PCDHA12: variants seen among roughly 807,000 people sequenced by gnomAD.
The protein encoded by PCDHA12 is protocadherin alpha 12, also known as protocadherin alpha-12.
Under a neutral mutation model 60.0 loss-of-function variants are expected in PCDHA12, and 44 were observed. That is an observed-to-expected ratio of 0.73 (90% CI 0.58 to 0.94). The LOEUF (loss-of-function observed/expected upper bound fraction) is 0.94. Among genes scored for constraint, PCDHA12 ranks in the 40% least tolerant of loss-of-function variants. PCDHA12 has a pLI of 0.00. For missense variants in PCDHA12, 1,276 were observed against 1,239.7 expected (o/e 1.03, Z -0.44); for synonymous variants, 569 against 553.0 (o/e 1.03, Z -0.40).
At chr5:140,927,395 A>G (rs782188555) in intron 1 of PCDHA12, 3 of 1,614,194 alleles carry the variant, frequency 1.9e-6, no homozygotes, top group South Asian at 2.2e-5. Context: ...CCCAGTCAGC[A>G]CTTTCGCCTG....
intron 1 of PCDHA12, among the ~76,000 whole-genome samples, chr5:140,942,138 T>C (rs1269073266): frequency 1.3e-5 from 2 of 152,240 alleles, no homozygotes; most frequent in African/African-American, 4.8e-5. Flanking sequence ...TTTGTGGCTT[T>C]ACTTGACATA....
chr5:140,903,958 T>G (rs960235173), intron 1 of PCDHA12, among the ~76,000 whole-genome samples: 1 of 152,236 alleles, frequency 6.6e-6, no homozygotes, highest in Non-Finnish European at 1.5e-5. Context: ...GAAAATTATT[T>G]GTTGATTTTT....
rs2098417418 is a variant in PCDHA12, at chr5:141,010,475, T to A, written c.*538T>A. On this transcript the variant is annotated 3_prime_UTR_variant, in exon 4 of 4. Coordinates refer to ENST00000398631, the MANE Select transcript of PCDHA12 (RefSeq NM_018903.4). ...GGAAGTTATCAGTATGGAGGGGAAG[T>A]GTAAACTTAAAGGGACCAGACTTTC... 16 of 757,310 alleles carry A rather than the reference T, an allele frequency of 2.1e-5. No homozygotes were observed. The highest frequency in any genetic ancestry group is 3.0e-5 in the Non-Finnish European group (15 of 502,774). 46.9% of individuals were successfully genotyped at this position (757,310 alleles called of 1,614,324 possible). A position where few individuals can be genotyped will look rare whatever the true frequency, so the allele number is the denominator to read the frequency against.
chr5:140,883,679 G>T (rs781987468), intron 1 of PCDHA12: 1 of 1,613,678 alleles, frequency 6.2e-7, no homozygotes, highest in Non-Finnish European at 8.5e-7. Flanking sequence ...CAATCCGCCG[G>T]GCTGCCACAT....
chr5:140,883,445 G>A, intron 1 of PCDHA12: 1 of 1,614,164 alleles, frequency 6.2e-7, no homozygotes, highest in South Asian at 1.1e-5. Flanking sequence ...GACGCCGCAT[G>A]TCCCCTTCAA....
At chr5:140,882,188 A>G (rs1446435577) in intron 1 of PCDHA12, 6 of 1,519,650 alleles carry the variant, frequency 3.9e-6, no homozygotes, top group African/African-American at 1.4e-5. Context: ...CTAGGAAGCC[A>G]TAAAAATTGG....
chr5:140,972,660 A>AT (rs11350929), intron 1 of PCDHA12, among the ~76,000 whole-genome samples: 2,691 of 117,234 alleles, frequency 0.023, 50 homozygotes, highest in South Asian at 0.067. Context: ...AAGAAACCAA[A>AT]TTTTTTTTTT....
At chr5:140,925,932 A>G (rs1202634955) in intron 1 of PCDHA12, among the ~76,000 whole-genome samples, 1 of 150,196 alleles carries the variant, frequency 6.7e-6, no homozygotes, top group African/African-American at 2.5e-5. Flanking sequence ...TCCCAAGTAG[A>G]GCCTCTTGGA....
chr5:140,899,833 G>T (rs2067579431), intron 1 of PCDHA12, among the ~76,000 whole-genome samples: 1 of 152,094 alleles, frequency 6.6e-6, no homozygotes, highest in African/African-American at 2.4e-5. Flanking sequence ...TTTTGAGACA[G>T]GTCTTGCTGT....
chr5:140,963,861 G>A (rs2095794580), intron 1 of PCDHA12, among the ~76,000 whole-genome samples: 1 of 152,172 alleles, frequency 6.6e-6, no homozygotes, highest in Admixed American at 6.5e-5. Flanking sequence ...ATAACCGTAT[G>A]AGTTTTGCTT....
At chr5:140,918,853 C>T (rs1348069562) in intron 1 of PCDHA12, among the ~76,000 whole-genome samples, 4 of 152,134 alleles carry the variant, frequency 2.6e-5, no homozygotes, top group Non-Finnish European at 5.9e-5. Context: ...CTGCTGGTGC[C>T]TGAATCATGA....
Position 140,914,027 on chromosome 5 carries a change from T to G in PCDHA12, c.2367+36188T>G, listed in dbSNP as rs188298966. Among the ~76,000 whole-genome samples the G allele has an allele frequency of 8.0e-3, 1,214 of 152,300 alleles. 6 individuals carry two copies. Among genetic ancestry groups the G allele is most frequent in the African/African-American group, 0.019 (784 of 41,574 alleles). On this transcript the variant is annotated intron_variant, in intron 1 of 3. Coordinates refer to ENST00000398631, the MANE Select transcript of PCDHA12 (RefSeq NM_018903.4). ...CTATCTTTGAGAATGATCCACGTGCTGAGAAGAATGTGTATTCTGCAGCTG... is the reference window on the plus strand; with the variant it reads ...CTATCTTTGAGAATGATCCACGTGCGGAGAAGAATGTGTATTCTGCAGCTG...
chr5:140,946,162 A>C (rs2093896348), intron 1 of PCDHA12, among the ~76,000 whole-genome samples: 1 of 152,080 alleles, frequency 6.6e-6, no homozygotes, highest in Non-Finnish European at 1.5e-5. Context: ...GATTTAAAAG[A>C]TGGGTAAAGG....
intron 3 of PCDHA12, among the ~76,000 whole-genome samples, chr5:140,991,204 A>C (rs1416431011): frequency 6.6e-6 from 1 of 152,198 alleles, no homozygotes; most frequent in East Asian, 1.9e-4. Flanking sequence ...ATGCTCAATA[A>C]ATTTTGTTAA....
intron 1 of PCDHA12, among the ~76,000 whole-genome samples, chr5:140,892,867 A>G (rs1452797610): frequency 1.3e-5 from 2 of 152,150 alleles, no homozygotes; most frequent in African/African-American, 4.8e-5. Context: ...CTGTGTAGCT[A>G]TAATTTCGTA....
intron 1 of PCDHA12, 88 bp downstream of exon 1, chr5:140,877,927 A>G: frequency 7.1e-7 from 1 of 1,416,192 alleles, no homozygotes; most frequent in South Asian, 1.6e-5. Flanking sequence ...TTTCTTTATG[A>G]TTCTATCCTT....
At chr5:140,896,672 C>T (rs912022786) in intron 1 of PCDHA12, among the ~76,000 whole-genome samples, 7 of 152,028 alleles carry the variant, frequency 4.6e-5, no homozygotes, top group Middle Eastern at 3.2e-3. Flanking sequence ...TCACTGTGCC[C>T]GGCCCTTTGC....
In PCDHA12 at chr5:141,012,192, T is replaced by TA. The variant is rs1424309622; in HGVS notation, c.*2256dup. 1 of 153,796 alleles carries TA rather than the reference T, an allele frequency of 6.5e-6. No homozygotes were observed. The highest frequency in any genetic ancestry group is 6.5e-5 in the Admixed American group (1 of 15,282). The allele number at this position is 153,796 out of a possible 1,614,324, so 9.5% of individuals were successfully genotyped here. ...AATGATGATAATTATAATGTATCTGTACAGCACTTTTTACATTTGCGAAGT... is the reference window on the plus strand; with the variant it reads ...AATGATGATAATTATAATGTATCTGTAACAGCACTTTTTACATTTGCGAAGT... On this transcript the variant is annotated 3_prime_UTR_variant, in exon 4 of 4. Transcript: ENST00000398631.
rs1554229126 is a variant in PCDHA12 at position 140,967,062 on chromosome 5, T to C, written c.2368-11887T>C. 3 of 1,612,916 alleles carry C rather than the reference T, an allele frequency of 1.9e-6. No individual in the cohort carries two copies. In the Admixed American group the frequency reaches 5.0e-5, roughly 27 times the overall value. ...GAGCTGGACCTGACGAGTGGAGCGC[T>C]CTTCGTCAACGAGCGCATTGATCGG... On this transcript the variant is annotated intron_variant, in intron 1 of 3. Transcript: ENST00000398631.
Sources: allele counts gnomAD v4.1 joint callset (sites outside exome capture counted in the v4.1 genomes callset), GRCh38; gene constraint gnomAD v4.1.1; transcripts MANE v1.5; gene names NCBI Gene and HGNC (gene_info 2026-07-23, HGNC 2026-07-21).